INSL6: variants seen among roughly 807,000 people sequenced by gnomAD.
INSL6 encodes insulin-like peptide INSL6.
A neutral mutation model predicts 9.4 loss-of-function variants in INSL6; 16 were observed. The observed-to-expected ratio is 1.70, with a 90% confidence interval of 1.15 to 2.59. The LOEUF (loss-of-function observed/expected upper bound fraction) is 2.59. INSL6 is among the 30% of genes most tolerant of loss of function. The pLI is 0.00. For synonymous variants in INSL6, 154 were observed against 96.9 expected (o/e 1.59, Z -3.46); for missense variants, 391 against 257.3 (o/e 1.52, Z -3.56).
chr9:5,022,231 G>A, the INSL6 span: 8 of 1,564,322 alleles, frequency 5.1e-6, no homozygotes. Context: ...TTAAAAAACA[G>A]CATTTTCCTT....
At chr9:5,134,604 G>T (rs935055390) in intron 2 of INSL6, among the ~76,000 whole-genome samples, 1 of 152,162 alleles carries the variant, frequency 6.6e-6, no homozygotes, top group Non-Finnish European at 1.5e-5. Context: ...CGTAATTGAA[G>T]GAGAAATAAA....
At chr9:5,169,605 G>C (rs986208473) in intron 1 of INSL6, among the ~76,000 whole-genome samples, 4 of 152,162 alleles carry the variant, frequency 2.6e-5, no homozygotes, top group African/African-American at 9.7e-5. Flanking sequence ...TGATCCATTG[G>C]TGTGCTGAAT....
the INSL6 span, among the ~76,000 whole-genome samples, chr9:5,065,867 C>G: frequency 3.3e-5 from 5 of 152,168 alleles, no homozygotes; most frequent in East Asian, 9.7e-4. Context: ...GAAAATACAT[C>G]TTGGGTAATA....
chr9:5,036,131 A>G, the INSL6 span, among the ~76,000 whole-genome samples: 5 of 152,376 alleles, frequency 3.3e-5, no homozygotes, highest in East Asian at 1.9e-4. Flanking sequence ...CCCATTCACA[A>G]TTGCTTCAAA....
the INSL6 span, among the ~76,000 whole-genome samples, chr9:5,117,046 C>T: frequency 6.6e-6 from 1 of 152,190 alleles, no homozygotes; most frequent in African/African-American, 2.4e-5. Context: ...TTTGGCTCCT[C>T]TTGCCTTTCC....
chr9:5,140,958 G>A (rs143639284), intron 2 of INSL6, among the ~76,000 whole-genome samples: 13 of 152,056 alleles, frequency 8.5e-5, no homozygotes, highest in South Asian at 2.1e-4. Flanking sequence ...GAGAACATGC[G>A]GTATATGGTT....
At chr9:5,018,654 A>G in the INSL6 span, among the ~76,000 whole-genome samples, 573 of 152,252 alleles carry the variant, frequency 3.8e-3, 1 homozygote, top group Non-Finnish European at 6.3e-3. Flanking sequence ...TTGTTCTTTG[A>G]CTTCCATATG....
At chr9:5,054,711 C>T in the INSL6 span, 5 of 1,613,274 alleles carry the variant, frequency 3.1e-6, no homozygotes, top group Non-Finnish European at 4.2e-6. This position sits in a 1 kb window ranked among gnomAD's most constrained non-coding sequence, Gnocchi z 4.9. Flanking sequence ...ACTTAAGTAT[C>T]TTATAAATCT....
the INSL6 span, among the ~76,000 whole-genome samples, chr9:5,040,246 C>T: frequency 6.6e-6 from 1 of 151,980 alleles, no homozygotes; most frequent in African/African-American, 2.4e-5. Context: ...AACTGGATAT[C>T]CACATGTAAA....
chr9:5,073,737 C>G, the INSL6 span: 1 of 1,612,452 alleles, frequency 6.2e-7, no homozygotes, highest in South Asian at 1.1e-5. Context: ...CAAGCTTTCT[C>G]ACAAGCATTT....
the INSL6 span, among the ~76,000 whole-genome samples, chr9:4,993,221 C>T: frequency 6.6e-6 from 1 of 152,152 alleles, no homozygotes; most frequent in African/African-American, 2.4e-5. Context: ...TGCTGTGGGA[C>T]AACACCCTTA....
the INSL6 span, chr9:5,094,483 G>A: frequency 5.3e-5 from 8 of 152,026 alleles, no homozygotes; most frequent in African/African-American, 1.7e-4. Flanking sequence ...ACGAGCTGTG[G>A]CCCAGACAAT....
chr9:4,992,427 G>A, the INSL6 span, among the ~76,000 whole-genome samples: 25 of 152,306 alleles, frequency 1.6e-4, no homozygotes, highest in African/African-American at 6.0e-4. Context: ...GGAGTGGCAA[G>A]TTCACACTGC....
At chr9:5,165,643 C>T (rs545998808) in intron 1 of INSL6, among the ~76,000 whole-genome samples, 3 of 152,202 alleles carry the variant, frequency 2.0e-5, no homozygotes, top group African/African-American at 7.2e-5. Context: ...TACAACTGAG[C>T]AGTAGAAACC....
At chr9:5,150,538 T>G (rs914579010) in intron 2 of INSL6, among the ~76,000 whole-genome samples, 1 of 152,152 alleles carries the variant, frequency 6.6e-6, no homozygotes, top group Non-Finnish European at 1.5e-5. Context: ...CATCTTACAC[T>G]AGTCAGAATG....
At chr9:5,139,708 G>C (rs1468570677) in intron 2 of INSL6, among the ~76,000 whole-genome samples, 1 of 152,174 alleles carries the variant, frequency 6.6e-6, no homozygotes, top group East Asian at 1.9e-4. Flanking sequence ...AGGTTAGCTT[G>C]ACTTGCTCAC....
the INSL6 span, chr9:5,069,118 A>G: frequency 6.2e-7 from 1 of 1,612,496 alleles, no homozygotes; most frequent in Non-Finnish European, 8.5e-7. Flanking sequence ...CAGCAGTCTT[A>G]AAGATCTTTT....
rs1440736559 is a variant in INSL6, at chr9:5,164,008, A to C, written c.547T>G (p.Cys183Gly). ...GCAATGCTAAGTTCTTCTTTTGTAC[A>C]TCCTGTAAGACAACACTTTTCTGAA... Reference protein sequence around the residue: ...GYSEKCCLTGCTKEELSIACL... With the variant: ...GYSEKCCLTGGTKEELSIACL... Residue 183 changes from cysteine to glycine, a missense_variant, in exon 2 of 2, where the codon TGT becomes GGT. Transcript: ENST00000381641. The C allele has an allele frequency of 1.9e-5, 30 of 1,613,234 alleles. No individual in the cohort carries two copies. The highest frequency in any genetic ancestry group is 2.5e-5 in the Non-Finnish European group (29 of 1,179,778).
At chr9:5,019,202 T>C in the INSL6 span, among the ~76,000 whole-genome samples, 2 of 152,178 alleles carry the variant, frequency 1.3e-5, no homozygotes, top group Non-Finnish European at 2.9e-5. Context: ...TAATATTAGT[T>C]TGCTTTATGG....
Sources: gnomAD v4.1 joint callset for allele counts (sites outside exome capture counted in the v4.1 genomes callset) on GRCh38, gnomAD v4.1.1 for gene constraint, Gnocchi (gnomAD v3.1) non-coding constraint, MANE v1.5 for transcripts, NCBI Gene and HGNC (gene_info 2026-07-23, HGNC 2026-07-21) for gene names.